Variants in ILKAP observed in about 807,000 individuals in gnomAD.
ILKAP encodes ILK associated serine/threonine phosphatase.
A neutral mutation model predicts 49.1 loss-of-function variants in ILKAP; 11 were observed. That is an observed-to-expected ratio of 0.22 (90% CI 0.14 to 0.37). The LOEUF is 0.37. Ranked by LOEUF, ILKAP falls within the 10% of genes least tolerant of loss-of-function variation. The pLI is 1.00. For missense variants in ILKAP, 363 were observed against 510.8 expected (o/e 0.71, Z 2.79); for synonymous variants, 186 against 192.8 (o/e 0.96, Z 0.29).
intron 5 of ILKAP, chr2:238,186,601 T>C (rs1275406535): frequency 6.6e-6 from 1 of 152,030 alleles, no homozygotes; most frequent in East Asian, 1.9e-4. Flanking sequence ...ATTTTAAATA[T>C]CTCATTTTTA....
intron 3 of ILKAP, among the ~76,000 whole-genome samples, chr2:238,193,813 C>T (rs1574804712): frequency 6.6e-6 from 1 of 152,210 alleles, no homozygotes; most frequent in Non-Finnish European, 1.5e-5. Flanking sequence ...TCTCATGAGA[C>T]AGAATCATAC....
chr2:238,190,877 T>TAAAA (rs57511265), intron 3 of ILKAP, among the ~76,000 whole-genome samples: 16 of 95,138 alleles, frequency 1.7e-4, no homozygotes, highest in East Asian at 1.3e-3. Context: ...CGTTTCTCTT[T>TAAAA]AAAAAAAAAA....
intron 1 of ILKAP, among the ~76,000 whole-genome samples, chr2:238,198,626 A>C (rs1041599970): frequency 6.6e-6 from 1 of 152,192 alleles, no homozygotes. Context: ...AAAAATCTGG[A>C]AGAGGCCCCT....
chr2:238,187,398 G>C (rs928003303), intron 5 of ILKAP, among the ~76,000 whole-genome samples: 2 of 152,168 alleles, frequency 1.3e-5, no homozygotes, highest in African/African-American at 4.8e-5. Context: ...ACCAACTGGT[G>C]TCAGTAAAGG....
In ILKAP at chr2:238,190,113, G is replaced by T. The variant is rs73102396; in HGVS notation, c.179-141C>A. 2,069 of 752,702 alleles carry T rather than the reference G, an allele frequency of 2.7e-3. 39 individuals carry two copies. The African/African-American group carries it at 0.034, about 12-fold the overall frequency. The allele number at this position is 752,702 out of a possible 1,614,324, so 46.6% of individuals were successfully genotyped here. On this transcript the variant is annotated intron_variant, in intron 3 of 11. Coordinates refer to ENST00000254654, the MANE Select transcript of ILKAP (RefSeq NM_030768.3). ...GCAGACACAGGCAGACCCAGGAGTT[G>T]TGTCTTCATGGTTGGCGGGGAGGGG...
intron 3 of ILKAP, 81 bp downstream of exon 3, chr2:238,194,194 A>G: frequency 8.0e-7 from 1 of 1,252,360 alleles, no homozygotes; most frequent in Non-Finnish European, 1.2e-6. Context: ...AATCCCGTTA[A>G]AACCTATACA....
chr2:238,175,234 A>T (rs1437203145), intron 9 of ILKAP, among the ~76,000 whole-genome samples: 1 of 151,670 alleles, frequency 6.6e-6, no homozygotes. Context: ...GAGTAGCTAG[A>T]ACTACAGGTG....
chr2:238,203,546 A>G lies in ILKAP; in HGVS notation c.8T>C (p.Leu3Pro). Reference sequence around the variant, plus strand: ...CTCGGGCTCCGGCAGGTCCCCGAAGAGGTCCATGGCGGAGGCTGGGTGGAG... The same window carrying G: ...CTCGGGCTCCGGCAGGTCCCCGAAGGGGTCCATGGCGGAGGCTGGGTGGAG... MD[L>P]FGDLPEPERS... Residue 3 changes from leucine (L) to proline (P), a missense_variant, in exon 1 of 12, where the codon CTC becomes CCC. Physicochemically the swap from Leu to Pro is moderately conservative, Grantham distance 98. Coordinates refer to ENST00000254654, the MANE Select transcript of ILKAP (RefSeq NM_030768.3). 8.3e-7 allele frequency: 1 copy of G among 1,198,550 alleles called. No homozygotes were observed. The highest frequency in any genetic ancestry group is 1.0e-6 in the Non-Finnish European group (1 of 961,118). 74.2% of individuals were successfully genotyped at this position (1,198,550 alleles called of 1,614,324 possible). A position where few individuals can be genotyped will look rare whatever the true frequency, so the allele number is the denominator to read the frequency against.
At chr2:238,178,050 A>G (rs756775266) in intron 9 of ILKAP, among the ~76,000 whole-genome samples, 42 of 152,250 alleles carry the variant, frequency 2.8e-4, no homozygotes, top group Non-Finnish European at 1.9e-4. Flanking sequence ...AAAACTAATA[A>G]TATTAATAAC....
At chr2:238,186,216 C>T (rs1289790429) in intron 5 of ILKAP, 2 of 152,224 alleles carry the variant, frequency 1.3e-5, no homozygotes, top group Non-Finnish European at 1.5e-5. Flanking sequence ...CATGGTAGAG[C>T]CTATTGCTCC....
intron 9 of ILKAP, among the ~76,000 whole-genome samples, chr2:238,177,122 A>C (rs935355991): frequency 6.6e-6 from 1 of 152,258 alleles, no homozygotes; most frequent in Admixed American, 6.5e-5. Context: ...ATTCACTGCT[A>C]CATAGCTACC....
At chr2:238,187,486 T>TTAA (rs1693954022) in intron 5 of ILKAP, among the ~76,000 whole-genome samples, 1 of 152,260 alleles carries the variant, frequency 6.6e-6, no homozygotes, top group Non-Finnish European at 1.5e-5. Flanking sequence ...TACAGCCAAC[T>TTAA]TAATGTCCTA....
At chr2:238,177,999 T>C (rs1693537243) in intron 9 of ILKAP, among the ~76,000 whole-genome samples, 1 of 152,118 alleles carries the variant, frequency 6.6e-6, no homozygotes, top group Admixed American at 6.5e-5. Flanking sequence ...CCTTTATAAA[T>C]TGGATAAACT....
intron 1 of ILKAP, among the ~76,000 whole-genome samples, chr2:238,199,982 G>C (rs1022544465): frequency 2.0e-5 from 3 of 151,990 alleles, no homozygotes; most frequent in African/African-American, 7.3e-5. Flanking sequence ...CTCAACAACT[G>C]ACCATCAATT....
intron 8 of ILKAP, among the ~76,000 whole-genome samples, 189 bp from the exon 9 acceptor site, chr2:238,182,375 T>A (rs1357462283): frequency 1.3e-5 from 2 of 152,240 alleles, no homozygotes; most frequent in Middle Eastern, 3.4e-3. Context: ...GACACAACAG[T>A]TAGGGAGAGA....
intron 10 of ILKAP, among the ~76,000 whole-genome samples, chr2:238,172,034 T>C (rs1430641465): frequency 2.6e-5 from 4 of 152,182 alleles, no homozygotes; most frequent in Middle Eastern, 3.4e-3. Flanking sequence ...TGTTTTTTTT[T>C]CTTTGTTTTT....
intron 1 of ILKAP, among the ~76,000 whole-genome samples, chr2:238,201,078 T>C (rs578094699): frequency 6.6e-6 from 1 of 152,374 alleles, no homozygotes; most frequent in South Asian, 2.1e-4. Context: ...TTCACTGCAT[T>C]AGAGATTTGT....
intron 8 of ILKAP, 86 bp from the exon 9 acceptor site, chr2:238,182,272 A>G (rs1693727411): frequency 4.0e-6 from 6 of 1,495,356 alleles, no homozygotes; most frequent in Admixed American, 3.6e-5. Flanking sequence ...TTAACAATGG[A>G]GTTTGAAGAA....
chr2:238,188,016 T>C (rs2106335513), intron 5 of ILKAP, 115 bp downstream of exon 5: 2 of 1,200,284 alleles, frequency 1.7e-6, no homozygotes, highest in Middle Eastern at 2.9e-4. Flanking sequence ...ATCACTGATG[T>C]ACAATCAAGT....
Sources: allele counts gnomAD v4.1 joint callset (sites outside exome capture counted in the v4.1 genomes callset), GRCh38; gene constraint gnomAD v4.1.1; transcripts MANE v1.5; gene names NCBI Gene and HGNC (gene_info 2026-07-23, HGNC 2026-07-21).